LRRC4C: variants seen among roughly 807,000 people sequenced by gnomAD.
The protein encoded by LRRC4C is leucine-rich repeat-containing protein 4C.
LRRC4C carries 5 observed loss-of-function variants against 33.6 expected under a neutral mutation model. The observed-to-expected ratio is 0.15, with a 90% CI of 0.08 to 0.31. The LOEUF is 0.31. Among genes scored for constraint, LRRC4C ranks in the 10% least tolerant of loss-of-function variants. LRRC4C has a pLI of 1.00. For missense variants in LRRC4C, 560 were observed against 796.7 expected (o/e 0.70, Z 3.58); for synonymous variants, 329 against 302.0 (o/e 1.09, Z -0.93).
intron 1 of LRRC4C, among the ~76,000 whole-genome samples, chr11:41,111,352 A>C (rs1356617377): frequency 6.6e-6 from 1 of 152,046 alleles, no homozygotes; most frequent in Admixed American, 6.6e-5. Context: ...CAAAAGGCAG[A>C]CACAGGCAGC....
chr11:40,412,014 T>C (rs1429392833), intron 3 of LRRC4C, among the ~76,000 whole-genome samples: 1 of 151,972 alleles, frequency 6.6e-6, no homozygotes. Flanking sequence ...AAAATACTGA[T>C]TTTTTCAAAT....
chr11:40,227,347 T>C (rs1864877934), intron 5 of LRRC4C, among the ~76,000 whole-genome samples: 3 of 152,246 alleles, frequency 2.0e-5, no homozygotes, highest in Admixed American at 2.0e-4. Context: ...CCTTTGAAGA[T>C]GATTGTTATG....
chr11:40,262,525 G>A (rs552094444), intron 4 of LRRC4C, among the ~76,000 whole-genome samples: 28 of 152,186 alleles, frequency 1.8e-4, no homozygotes, highest in South Asian at 1.7e-3. Flanking sequence ...ATAAAGCCAC[G>A]TGCCCACGTA....
At chr11:41,279,593 C>T (rs1949601696) in intron 1 of LRRC4C, among the ~76,000 whole-genome samples, 2 of 152,110 alleles carry the variant, frequency 1.3e-5, no homozygotes, top group Non-Finnish European at 2.9e-5. Context: ...TCCCAATCTA[C>T]TTCCCTCACT....
chr11:40,121,398 T>C (rs995284892), intron 6 of LRRC4C, among the ~76,000 whole-genome samples: 1 of 152,216 alleles, frequency 6.6e-6, no homozygotes, highest in African/African-American at 2.4e-5. Context: ...ATGCACTGAA[T>C]TAAATCAACT....
intron 1 of LRRC4C, among the ~76,000 whole-genome samples, chr11:41,095,219 C>G (rs1940732802): frequency 6.6e-6 from 1 of 152,094 alleles, no homozygotes; most frequent in Admixed American, 6.6e-5. Flanking sequence ...GCACAACGAG[C>G]AAGTGCCTCA....
chr11:40,525,360 C>T (rs1197292444), intron 3 of LRRC4C, among the ~76,000 whole-genome samples: 2 of 152,022 alleles, frequency 1.3e-5, no homozygotes, highest in African/African-American at 2.4e-5. Flanking sequence ...GCAGGAGAAT[C>T]GCTTGAACCC....
chr11:40,554,727 G>C (rs116325490), intron 3 of LRRC4C, among the ~76,000 whole-genome samples: 1 of 137,526 alleles, frequency 7.3e-6, no homozygotes, highest in Non-Finnish European at 1.5e-5. Context: ...CTGTAAATGG[G>C]ATTGCATTCT....
intron 1 of LRRC4C, among the ~76,000 whole-genome samples, chr11:41,340,325 C>T (rs1039416929): frequency 4.6e-5 from 7 of 152,214 alleles, no homozygotes; most frequent in Admixed American, 2.6e-4. Flanking sequence ...CAAGCTAAAT[C>T]TTATGTATTT....
intron 2 of LRRC4C, among the ~76,000 whole-genome samples, chr11:40,738,337 G>T (rs923497623): frequency 6.6e-6 from 1 of 152,072 alleles, no homozygotes; most frequent in African/African-American, 2.4e-5. Context: ...ATGGCCTTTT[G>T]TGGGACTTCC....
chr11:40,606,065 T>C (rs907867491), intron 3 of LRRC4C, among the ~76,000 whole-genome samples: 3 of 152,164 alleles, frequency 2.0e-5, no homozygotes, highest in African/African-American at 7.2e-5. Context: ...AACAGCTTGG[T>C]TGTCTCTCCC....
rs568984435 is a variant in LRRC4C at position 41,343,970 on chromosome 11, T to G, written c.-496+115461A>C. 2.6e-5 allele frequency among the ~76,000 whole-genome samples: 4 copies of G among 152,328 alleles called. No individual in the cohort carries two copies. The South Asian group carries it at 6.2e-4, about 24-fold the overall frequency. On this transcript the variant is annotated intron_variant, in intron 1 of 6. Coordinates refer to ENST00000528697, the MANE Select transcript of LRRC4C (RefSeq NM_001258419.2). Reference sequence around the variant, plus strand: ...TAATCAGAGCACATAACTTCTTAAATTTTTAGCACATTTAATAGTCATTCT... The same window carrying G: ...TAATCAGAGCACATAACTTCTTAAAGTTTTAGCACATTTAATAGTCATTCT...
chr11:40,422,132 A>G (rs917387515), intron 3 of LRRC4C, among the ~76,000 whole-genome samples: 2 of 152,252 alleles, frequency 1.3e-5, no homozygotes, highest in African/African-American at 4.8e-5. Flanking sequence ...ATCTAGTTGA[A>G]GAAAAATACA....
chr11:41,349,099 T>G (rs1951892450), intron 1 of LRRC4C, among the ~76,000 whole-genome samples: 4 of 152,186 alleles, frequency 2.6e-5, no homozygotes, highest in Admixed American at 2.6e-4. Flanking sequence ...CTATCCCATC[T>G]GCCAGCTTTT....
chr11:40,556,327 A>G (rs1957331698), intron 3 of LRRC4C, among the ~76,000 whole-genome samples: 1 of 152,244 alleles, frequency 6.6e-6, no homozygotes, highest in African/African-American at 2.4e-5. Context: ...TCTGTTTGTT[A>G]TGATAAATCT....
At chr11:40,774,560 A>C (rs1292900515) in intron 2 of LRRC4C, among the ~76,000 whole-genome samples, 13 of 152,142 alleles carry the variant, frequency 8.5e-5, no homozygotes, top group Admixed American at 8.5e-4. Context: ...ACTAGAATAG[A>C]TTTGACTAAA....
intron 3 of LRRC4C, among the ~76,000 whole-genome samples, chr11:40,546,613 C>T (rs1956935620): frequency 6.6e-6 from 1 of 151,892 alleles, no homozygotes; most frequent in South Asian, 2.1e-4. Flanking sequence ...TCATGGTCAC[C>T]CAACCTACAG....
At chr11:41,064,878 G>A (rs1258759899) in intron 1 of LRRC4C, among the ~76,000 whole-genome samples, 2 of 152,338 alleles carry the variant, frequency 1.3e-5, no homozygotes, top group South Asian at 2.1e-4. Context: ...ACCTGCCAGA[G>A]GTGCTACATT....
At chr11:41,342,668 T>C (rs1384936376) in intron 1 of LRRC4C, among the ~76,000 whole-genome samples, 1 of 152,148 alleles carries the variant, frequency 6.6e-6, no homozygotes, top group Admixed American at 6.5e-5. Context: ...TGAGCCGAGA[T>C]TGTGCCACTG....
Sources: allele counts gnomAD v4.1 joint callset (sites outside exome capture counted in the v4.1 genomes callset), GRCh38; gene constraint gnomAD v4.1.1; transcripts MANE v1.5; gene names NCBI Gene and HGNC (gene_info 2026-07-23, HGNC 2026-07-21).